GRID2: variants seen among roughly 807,000 people sequenced by gnomAD.
The protein encoded by GRID2 is glutamate ionotropic receptor delta type subunit 2, also known as glutamate receptor ionotropic, delta-2.
A neutral mutation model predicts 114.8 loss-of-function variants in GRID2; 33 were observed. That is an observed-to-expected ratio of 0.29 (90% CI 0.22 to 0.38). GRID2 has a LOEUF of 0.38. Ranked by LOEUF, GRID2 falls within the 10% of genes least tolerant of loss-of-function variation. The probability of loss-of-function intolerance (pLI) is 1.00; values close to 1 mark genes in which losing one functional copy is unlikely to be tolerated. For synonymous variants in GRID2, 505 were observed against 449.9 expected (o/e 1.12, Z -1.55); for missense variants, 1,184 against 1,257.7 (o/e 0.94, Z 0.89).
chr4:93,644,476 G>T (rs1227363216), intron 14 of GRID2, among the ~76,000 whole-genome samples: 2 of 151,974 alleles, frequency 1.3e-5, no homozygotes, highest in Non-Finnish European at 2.9e-5. Context: ...CCAAAATAGT[G>T]GTTTTGATAG....
intron 2 of GRID2, among the ~76,000 whole-genome samples, chr4:92,957,413 T>C (rs761646053): frequency 7.9e-5 from 12 of 152,068 alleles, no homozygotes; most frequent in Admixed American, 2.0e-4. Context: ...AAAAATTTCC[T>C]TTTCTCCACT....
intron 1 of GRID2, among the ~76,000 whole-genome samples, chr4:92,319,862 C>T (rs768421348): frequency 1.6e-4 from 24 of 152,276 alleles, no homozygotes; most frequent in Admixed American, 6.5e-5. Flanking sequence ...ATAACAATAG[C>T]TCCCACCTTG....
At chr4:93,177,906 C>A (rs933485148) in intron 4 of GRID2, among the ~76,000 whole-genome samples, 1 of 151,506 alleles carries the variant, frequency 6.6e-6, no homozygotes, top group Non-Finnish European at 1.5e-5. Flanking sequence ...AGTCATTTAC[C>A]CTTAAAGTAT....
intron 8 of GRID2, among the ~76,000 whole-genome samples, chr4:93,377,860 A>T (rs1308385301): frequency 6.6e-6 from 1 of 152,190 alleles, no homozygotes; most frequent in Non-Finnish European, 1.5e-5. Context: ...TCTGGAAAAA[A>T]AAAATGAATC....
At chr4:93,562,917 A>T (rs943577137) in intron 13 of GRID2, among the ~76,000 whole-genome samples, 1 of 151,970 alleles carries the variant, frequency 6.6e-6, no homozygotes, top group Non-Finnish European at 1.5e-5. Flanking sequence ...CCAGTACCAC[A>T]CTTCCTAGAT....
intron 2 of GRID2, among the ~76,000 whole-genome samples, chr4:92,990,366 A>G (rs995502807): frequency 7.1e-4 from 107 of 151,288 alleles, no homozygotes; most frequent in African/African-American, 2.4e-3. Context: ...TCTGTCACCC[A>G]GGTTGGCTCA....
intron 2 of GRID2, among the ~76,000 whole-genome samples, chr4:93,035,265 G>A (rs1361200230): frequency 6.6e-6 from 1 of 151,808 alleles, no homozygotes; most frequent in Non-Finnish European, 1.5e-5. Context: ...ACTACCACGA[G>A]CATGCCTGGC....
At chr4:93,061,154 G>T (rs1578876217) in intron 2 of GRID2, among the ~76,000 whole-genome samples, 1 of 144,704 alleles carries the variant, frequency 6.9e-6, no homozygotes, top group Non-Finnish European at 1.5e-5. Context: ...AGCCATTGTA[G>T]AAATATCTCT....
chr4:93,231,362 A>G (rs1370892937), intron 7 of GRID2, among the ~76,000 whole-genome samples: 1 of 142,666 alleles, frequency 7.0e-6, no homozygotes, highest in Non-Finnish European at 1.5e-5. Flanking sequence ...GTGCAAACTC[A>G]TTTATGGAAT....
intron 11 of GRID2, among the ~76,000 whole-genome samples, chr4:93,483,967 T>G (rs1321109722): frequency 6.6e-6 from 1 of 151,834 alleles, no homozygotes; most frequent in Non-Finnish European, 1.5e-5. Flanking sequence ...AATTATTTTG[T>G]CCTTTACCTA....
At chr4:92,975,179 G>C (rs1753790580) in intron 2 of GRID2, among the ~76,000 whole-genome samples, 1 of 69,760 alleles carries the variant, frequency 1.4e-5, no homozygotes, top group African/African-American at 7.9e-5. Context: ...AAAAAAAAAG[G>C]TGTTGATTAA....
At chr4:92,747,708 G>A (rs1190947919) in intron 2 of GRID2, among the ~76,000 whole-genome samples, 1 of 152,008 alleles carries the variant, frequency 6.6e-6, no homozygotes, top group African/African-American at 2.4e-5. Context: ...AGAAATGCCA[G>A]CTTAATCCTA....
At chr4:92,946,581 A>T (rs962594730) in intron 2 of GRID2, among the ~76,000 whole-genome samples, 2 of 152,070 alleles carry the variant, frequency 1.3e-5, no homozygotes, top group African/African-American at 4.8e-5. Context: ...TTGTACTACT[A>T]TGCAAACTCT....
chr4:93,004,627 A>T (rs949014950), intron 2 of GRID2, among the ~76,000 whole-genome samples: 1 of 151,948 alleles, frequency 6.6e-6, no homozygotes, highest in Non-Finnish European at 1.5e-5. Flanking sequence ...TCTTATATCA[A>T]TGAAGACCAT....
At chr4:93,300,882 C>T (rs1037938725) in intron 8 of GRID2, among the ~76,000 whole-genome samples, 6 of 152,266 alleles carry the variant, frequency 3.9e-5, no homozygotes, top group Non-Finnish European at 5.9e-5. Context: ...CTGCATGCAC[C>T]GGTGGTCAGA....
intron 14 of GRID2, among the ~76,000 whole-genome samples, chr4:93,733,452 G>A (rs995707128): frequency 2.6e-5 from 4 of 152,068 alleles, no homozygotes; most frequent in African/African-American, 9.7e-5. Context: ...TTCTGAAATG[G>A]CCTGCCTGTT....
At chr4:93,527,904 T>A (rs181192659) in intron 13 of GRID2, among the ~76,000 whole-genome samples, 1 of 152,174 alleles carries the variant, frequency 6.6e-6, no homozygotes, top group East Asian at 1.9e-4. Flanking sequence ...AGCAATCAAT[T>A]ATGTCTCTAC....
chr4:92,518,375 A>G (rs1238213072), intron 1 of GRID2, among the ~76,000 whole-genome samples: 4 of 151,958 alleles, frequency 2.6e-5, no homozygotes. Flanking sequence ...CCTTACAAGG[A>G]AAAGCCTTAA....
At chr4:92,450,179 G>C (rs552218754) in intron 1 of GRID2, among the ~76,000 whole-genome samples, 2 of 152,134 alleles carry the variant, frequency 1.3e-5, no homozygotes, top group African/African-American at 2.4e-5. Flanking sequence ...ATAATAGTGT[G>C]ATATTATAAT....
Sources: allele counts gnomAD v4.1 joint callset (sites outside exome capture counted in the v4.1 genomes callset), GRCh38; gene constraint gnomAD v4.1.1; transcripts MANE v1.5; gene names NCBI Gene and HGNC (gene_info 2026-07-23, HGNC 2026-07-21).